NCMAP: variants seen among roughly 807,000 people sequenced by gnomAD.
NCMAP encodes the protein non-compact myelin associated protein, also known as noncompact myelin-associated protein.
Under a neutral mutation model 7.8 loss-of-function variants are expected in NCMAP, and 8 were observed. The observed-to-expected ratio is 1.02, with a 90% CI of 0.60 to 1.84. The LOEUF is 1.84. NCMAP is among the 40% of genes most tolerant of loss of function. The probability of loss-of-function intolerance (pLI) is 0.00; values close to 1 mark genes in which losing one functional copy is unlikely to be tolerated. For missense variants in NCMAP, 112 were observed against 131.4 expected (o/e 0.85, Z 0.72); for synonymous variants, 41 against 52.9 (o/e 0.78, Z 0.98).
At chr1:24,581,922 G>T (rs1370704089) in intron 1 of NCMAP, among the ~76,000 whole-genome samples, 1 of 152,218 alleles carries the variant, frequency 6.6e-6, no homozygotes. Context: ...GGCTGGACCG[G>T]TCCTTCAGGA....
At position 24,583,717 on chromosome 1, in the gene NCMAP, G is replaced by GAAA. The variant is rs71032830; in HGVS notation, c.-7-11688_-7-11686dup. Among the ~76,000 whole-genome samples, 460 of 104,012 alleles carry GAAA rather than the reference G, an allele frequency of 4.4e-3. 3 individuals carry two copies. Among genetic ancestry groups the GAAA allele is most frequent in the African/African-American group, 0.016 (436 of 27,352 alleles). The allele number at this position is 104,012 out of a possible 152,430, so 68.2% of individuals were successfully genotyped here. On this transcript the variant is annotated intron_variant, in intron 1 of 3. Coordinates refer to ENST00000374392, the MANE Select transcript of NCMAP (RefSeq NM_001010980.5). ...GGTGACAGAGCAAGACTCCGTCTCA[G>GAAA]AAAAAAAAAAAAAAAAAAAAAGTGA...
At chr1:24,569,031 T>G (rs35646008) in intron 1 of NCMAP, among the ~76,000 whole-genome samples, 43,349 of 151,598 alleles carry the variant, frequency 0.29, 6,331 homozygotes, top group Non-Finnish European at 0.32. Context: ...GTTTTGTTTT[T>G]TTTTGGAGAC....
chr1:24,603,667 C>T (rs1442308113), intron 3 of NCMAP, among the ~76,000 whole-genome samples: 2 of 152,166 alleles, frequency 1.3e-5, no homozygotes, highest in Non-Finnish European at 2.9e-5. Context: ...TTGATAATTG[C>T]ATTATAGATA....
intron 1 of NCMAP, among the ~76,000 whole-genome samples, chr1:24,571,204 C>T (rs543679872): frequency 6.6e-6 from 1 of 150,792 alleles, no homozygotes; most frequent in African/African-American, 2.5e-5. Context: ...AGGCTGGGCA[C>T]GGTGGCTCAT....
chr1:24,571,318 T>C (rs1249634155), intron 1 of NCMAP, among the ~76,000 whole-genome samples: 1 of 149,694 alleles, frequency 6.7e-6, no homozygotes, highest in Admixed American at 6.6e-5. Context: ...CTACTAAAAA[T>C]ACAAAAATTA....
intron 1 of NCMAP, among the ~76,000 whole-genome samples, chr1:24,594,824 G>A (rs975634082): frequency 2.0e-5 from 3 of 152,274 alleles, no homozygotes; most frequent in East Asian, 3.9e-4. Flanking sequence ...CAAGGAGGTC[G>A]AGGCTGCAGA....
chr1:24,599,831 C>A (rs1369826945), intron 2 of NCMAP, among the ~76,000 whole-genome samples: 4 of 87,178 alleles, frequency 4.6e-5, no homozygotes, highest in Non-Finnish European at 5.4e-5. Context: ...CCCCCCCCCC[C>A]CCCCCCCCTT....
intron 1 of NCMAP, among the ~76,000 whole-genome samples, chr1:24,590,922 C>A (rs906182921): frequency 2.0e-5 from 3 of 152,200 alleles, no homozygotes; most frequent in Non-Finnish European, 2.9e-5. Flanking sequence ...ACTTTCCATA[C>A]CCCACTTCTC....
chr1:24,568,491 T>C (rs1411087790), intron 1 of NCMAP, among the ~76,000 whole-genome samples: 1 of 152,154 alleles, frequency 6.6e-6, no homozygotes, highest in Non-Finnish European at 1.5e-5. Context: ...TGGGGAGATC[T>C]TCCTAGAGGT....
At chr1:24,560,363 G>C (rs1291424435) in intron 1 of NCMAP, among the ~76,000 whole-genome samples, 2 of 152,156 alleles carry the variant, frequency 1.3e-5, no homozygotes, top group African/African-American at 2.4e-5. Flanking sequence ...TTCAGAAAGA[G>C]CTCTTTTTGC....
intron 1 of NCMAP, among the ~76,000 whole-genome samples, chr1:24,568,410 G>C (rs1651288314): frequency 6.6e-6 from 1 of 152,082 alleles, no homozygotes; most frequent in South Asian, 2.1e-4. Context: ...ACTGACCTGG[G>C]GTCCCCAGGG....
At chr1:24,578,961 A>G (rs1651671363) in intron 1 of NCMAP, among the ~76,000 whole-genome samples, 1 of 151,956 alleles carries the variant, frequency 6.6e-6, no homozygotes, top group Non-Finnish European at 1.5e-5. Context: ...ACATCAGAAA[A>G]TCTACAGGTT....
intron 1 of NCMAP, among the ~76,000 whole-genome samples, chr1:24,588,425 T>G (rs1007808489): frequency 1.9e-4 from 29 of 152,160 alleles, no homozygotes; most frequent in African/African-American, 7.0e-4. Flanking sequence ...TTACCTGCTC[T>G]GAGTTACAGG....
intron 2 of NCMAP, among the ~76,000 whole-genome samples, chr1:24,600,721 T>C (rs979423231): frequency 6.6e-6 from 1 of 152,210 alleles, no homozygotes; most frequent in Non-Finnish European, 1.5e-5. Context: ...TTTTGGCAGA[T>C]GATGTGCTAA....
chr1:24,575,915 CAAAAAAAA>C (rs10549961), intron 1 of NCMAP, among the ~76,000 whole-genome samples: 41 of 79,550 alleles, frequency 5.2e-4, no homozygotes, highest in African/African-American at 1.5e-3. Context: ...ATTGCACTCT[CAAAAAAAA>C]AAAAAAAAAA....
At chr1:24,561,910 CAAAAA>C (rs5773094) in intron 1 of NCMAP, among the ~76,000 whole-genome samples, 3 of 137,066 alleles carry the variant, frequency 2.2e-5, no homozygotes, top group Admixed American at 1.4e-4. Context: ...GACTTCGTCT[CAAAAA>C]AAAAAAAAAA....
chr1:24,587,481 C>A (rs12137127), intron 1 of NCMAP, among the ~76,000 whole-genome samples: 29,755 of 152,072 alleles, frequency 0.2, 3,040 homozygotes, highest in African/African-American at 0.21. Flanking sequence ...TTGAATTGAA[C>A]CTTTCATGCA....
At chr1:24,572,515 G>A (rs1392715361) in intron 1 of NCMAP, among the ~76,000 whole-genome samples, 1 of 150,534 alleles carries the variant, frequency 6.6e-6, no homozygotes, top group African/African-American at 2.5e-5. Flanking sequence ...TGAAGAACCT[G>A]CTAGCCCCGC....
At chr1:24,600,777 C>T (rs1407778320) in intron 2 of NCMAP, among the ~76,000 whole-genome samples, 163 bp from the exon 3 acceptor site, 2 of 152,208 alleles carry the variant, frequency 1.3e-5, no homozygotes, top group Non-Finnish European at 2.9e-5. Context: ...TGCACAGCCA[C>T]TCCAGATGTG....
Sources: allele counts gnomAD v4.1 joint callset (sites outside exome capture counted in the v4.1 genomes callset), GRCh38; gene constraint gnomAD v4.1.1; transcripts MANE v1.5; gene names NCBI Gene and HGNC (gene_info 2026-07-23, HGNC 2026-07-21).